The following SDK1 variants were observed in gnomAD, a reference collection of about 807,000 sequenced individuals.
The protein encoded by SDK1 is sidekick cell adhesion molecule 1, also known as protein sidekick-1.
SDK1 carries 157 observed loss-of-function variants against 245.5 expected under a neutral mutation model. The observed-to-expected ratio is 0.64, with a 90% CI of 0.56 to 0.73. SDK1 has a LOEUF of 0.73. Ranked by LOEUF, SDK1 falls within the 30% of genes least tolerant of loss-of-function variation. The pLI, the probability that SDK1 is intolerant of heterozygous loss-of-function variation, is 0.00. For missense variants in SDK1, 3,583 were observed against 3,002.3 expected (o/e 1.19, Z -4.52); for synonymous variants, 1,647 against 1,278.5 (o/e 1.29, Z -6.15).
At position 4,012,185 on chromosome 7, in the gene SDK1, G is replaced by T; in HGVS notation, c.2370G>T (p.Gln790His). The T allele has an allele frequency of 6.4e-7, 1 of 1,574,262 alleles. No homozygotes were observed. Among genetic ancestry groups the T allele is most frequent in the Non-Finnish European group, 8.6e-7 (1 of 1,160,696 alleles). Residue 790 changes from glutamine (Q) to histidine (H), a missense_variant, in exon 16 of 45, where the codon CAG (glutamine) becomes CAT (histidine). Physicochemically the swap from Gln to His is conservative, Grantham distance 24 (BLOSUM62 0). Transcript: ENST00000404826. ...ATCAGTCCATTATGGTCCAGTGGCA[G>T]CCACCCCCAGAAACAGAGCACAACG... ...RTNQSIMVQW[Q>H]PPPETEHNGV...
At chr7:4,024,831 T>A (rs541427918) in intron 17 of SDK1, among the ~76,000 whole-genome samples, 7 of 152,202 alleles carry the variant, frequency 4.6e-5, no homozygotes, top group Non-Finnish European at 8.8e-5. Context: ...TTTTTGTTTT[T>A]GTTTTTGTTT....
At chr7:3,980,827 A>G (rs1005063100) in intron 13 of SDK1, among the ~76,000 whole-genome samples, 13 of 152,072 alleles carry the variant, frequency 8.5e-5, no homozygotes, top group Non-Finnish European at 1.8e-4. Flanking sequence ...CTGTAATCCC[A>G]GCTACTCAGG....
At chr7:4,012,378 GA>G (rs1786048699) in intron 16 of SDK1, 143 bp downstream of exon 16, 1 of 886,160 alleles carries the variant, frequency 1.1e-6, no homozygotes, top group Non-Finnish European at 1.6e-6. Flanking sequence ...GGGAGTGGTG[GA>G]GACTGTGGCA....
chr7:3,448,911 C>T (rs767228449), intron 1 of SDK1, among the ~76,000 whole-genome samples: 9 of 152,076 alleles, frequency 5.9e-5, no homozygotes, highest in South Asian at 2.1e-4. Context: ...GCTAAAATTG[C>T]GAGCACAGGA....
intron 4 of SDK1, among the ~76,000 whole-genome samples, chr7:3,684,317 G>A (rs1784207166): frequency 6.6e-6 from 1 of 152,328 alleles, no homozygotes; most frequent in South Asian, 2.1e-4. Context: ...CCAAGCTGCA[G>A]CTACAAAGCA....
At chr7:3,507,053 G>T (rs1175058293) in intron 1 of SDK1, among the ~76,000 whole-genome samples, 1 of 152,082 alleles carries the variant, frequency 6.6e-6, no homozygotes, top group East Asian at 1.9e-4. Flanking sequence ...AGTTTTGTTT[G>T]GTGGGTGAAC....
chr7:3,656,077 G>A (rs57709741), intron 4 of SDK1, among the ~76,000 whole-genome samples: 52,791 of 152,028 alleles, frequency 0.35, 9,902 homozygotes, highest in African/African-American at 0.48. Flanking sequence ...GCACACATTA[G>A]TATTCACAGC....
At chr7:4,067,785 A>G in intron 19 of SDK1, 53 bp from the exon 20 acceptor site, 1 of 1,415,068 alleles carries the variant, frequency 7.1e-7, no homozygotes, top group Admixed American at 1.9e-5. Flanking sequence ...ACATCTGATC[A>G]AAAGAAAATT....
At chr7:4,174,402 G>C (rs757931967) in intron 33 of SDK1, 45 bp downstream of exon 33, 3 of 1,597,762 alleles carry the variant, frequency 1.9e-6, no homozygotes, top group African/African-American at 2.7e-5. Context: ...GAGGTTCCCA[G>C]GGGACCCTTG....
intron 9 of SDK1, among the ~76,000 whole-genome samples, chr7:3,963,071 C>T (rs368095909): frequency 5.9e-4 from 70 of 119,170 alleles, no homozygotes; most frequent in East Asian, 7.7e-4. Flanking sequence ...AGTGAGTACA[C>T]TCAGCCCCAT....
chr7:4,191,133 G>T (rs1380566161), intron 35 of SDK1, among the ~76,000 whole-genome samples: 1 of 152,140 alleles, frequency 6.6e-6, no homozygotes, highest in East Asian at 1.9e-4. Flanking sequence ...TGGCCCCAGG[G>T]ACTCTGAGGT....
intron 5 of SDK1, among the ~76,000 whole-genome samples, chr7:3,912,868 C>CA (rs948858057): frequency 1.1e-4 from 16 of 151,408 alleles, no homozygotes; most frequent in African/African-American, 3.2e-4. Flanking sequence ...AGTCCTTAAC[C>CA]AAAAAAAAGT....
At chr7:3,768,552 C>A (rs1267614278) in intron 4 of SDK1, among the ~76,000 whole-genome samples, 1 of 152,202 alleles carries the variant, frequency 6.6e-6, no homozygotes, top group African/African-American at 2.4e-5. Context: ...ATAGTGCAGG[C>A]ATGTGCTTTA....
chr7:3,528,926 C>T (rs1434528821), intron 1 of SDK1, among the ~76,000 whole-genome samples: 2 of 152,076 alleles, frequency 1.3e-5, no homozygotes, highest in Non-Finnish European at 2.9e-5. Flanking sequence ...TTACCAGCTA[C>T]AGGGGCTGAA....
At chr7:3,334,859 T>G (rs1218207552) in intron 1 of SDK1, among the ~76,000 whole-genome samples, 4 of 152,184 alleles carry the variant, frequency 2.6e-5, no homozygotes, top group Non-Finnish European at 5.9e-5. Context: ...CTAATATGTT[T>G]GAAACCACTC....
chr7:3,475,360 A>G (rs1434234950), intron 1 of SDK1, among the ~76,000 whole-genome samples: 2 of 152,076 alleles, frequency 1.3e-5, no homozygotes, highest in African/African-American at 2.4e-5. Flanking sequence ...GCACTGGTTC[A>G]TAGCAGCTCA....
chr7:3,616,085 ACT>A (rs1432055778), intron 1 of SDK1, among the ~76,000 whole-genome samples: 1 of 152,042 alleles, frequency 6.6e-6, no homozygotes, highest in Admixed American at 6.6e-5. Context: ...ATGGGGTCTC[ACT>A]GTGTTGTCCA....
chr7:4,067,715 C>G, intron 19 of SDK1, 123 bp from the exon 20 acceptor site: 1 of 648,566 alleles, frequency 1.5e-6, no homozygotes, highest in Non-Finnish European at 2.7e-6. Context: ...ACTGATGTCT[C>G]CTGCAGGGTT....
chr7:3,470,577 T>G (rs1781152694), intron 1 of SDK1, among the ~76,000 whole-genome samples: 1 of 152,142 alleles, frequency 6.6e-6, no homozygotes, highest in Non-Finnish European at 1.5e-5. Flanking sequence ...GGAGAGAGGT[T>G]AAACTAGGTA....
Sources: gnomAD v4.1 joint callset for allele counts (sites outside exome capture counted in the v4.1 genomes callset) on GRCh38, gnomAD v4.1.1 for gene constraint, MANE v1.5 for transcripts, NCBI Gene and HGNC (gene_info 2026-07-23, HGNC 2026-07-21) for gene names.